The following SMCHD1 variants were observed in gnomAD, a reference collection of about 807,000 sequenced individuals.
SMCHD1 encodes the protein structural maintenance of chromosomes flexible hinge domain containing 1.
Under a neutral mutation model 254.7 loss-of-function variants are expected in SMCHD1, and 78 were observed. The ratio of observed to expected loss-of-function variants is 0.31; its 90% CI spans 0.26 to 0.37. SMCHD1 has a LOEUF of 0.37. Among genes scored for constraint, SMCHD1 ranks in the 10% least tolerant of loss-of-function variants. The pLI is 1.00. For missense variants in SMCHD1, 1,840 were observed against 2,408.1 expected, an observed-to-expected ratio of 0.76 and a Z score of 4.94; for synonymous variants, 766 against 794.9, an observed-to-expected ratio of 0.96 and a Z score of 0.61.
In SMCHD1 at chr18:2,803,215, T is replaced by TAA. The variant is rs1332165456; in HGVS notation, c.*664_*665insAA. On this transcript the variant is annotated 3_prime_UTR_variant, in exon 48 of 48. Transcript: ENST00000320876. Reference sequence around the variant, plus strand: ...GTGTGTGTGTATATATATATATATATATAAATATATATATATAAAATATTC... The same window carrying TAA: ...GTGTGTGTGTATATATATATATATATAAATAAATATATATATATAAAATATTC... The TAA allele has an allele frequency of 8.8e-5, 13 of 147,396 alleles. No homozygotes were observed. The East Asian group carries it at 2.3e-3, about 27-fold the overall frequency. The allele number at this position is 147,396 out of a possible 1,614,324, so 9.1% of individuals were successfully genotyped here. A position where few individuals can be genotyped will look rare whatever the true frequency, so the allele number is the denominator to read the frequency against.
chr18:2,765,453 T>C (rs1302544108), intron 37 of SMCHD1, among the ~76,000 whole-genome samples: 1 of 152,234 alleles, frequency 6.6e-6, no homozygotes, highest in Admixed American at 6.5e-5. Context: ...AAAATTAGGC[T>C]TATACGGTAG....
intron 17 of SMCHD1, among the ~76,000 whole-genome samples, chr18:2,712,315 C>A (rs543623907): frequency 1.3e-5 from 2 of 149,288 alleles, no homozygotes; most frequent in South Asian, 4.2e-4. Flanking sequence ...GAAGTGTTCT[C>A]TCCTCTTTAA....
At chr18:2,732,732 T>C (rs1001026307) in intron 25 of SMCHD1, among the ~76,000 whole-genome samples, 1 of 152,216 alleles carries the variant, frequency 6.6e-6, no homozygotes, top group African/African-American at 2.4e-5. Flanking sequence ...AATCTAGGTT[T>C]TGGCATTTTG....
rs756352980 is a variant in SMCHD1, at chr18:2,656,120, G to T, written c.45G>T (p.Gly15=). 3 of 1,478,322 alleles carry T rather than the reference G, an allele frequency of 2.0e-6. No individual in the cohort carries two copies. The highest frequency in any genetic ancestry group is 2.7e-5 in the Admixed American group (1 of 37,202). The allele number at this position is 1,478,322 out of a possible 1,614,324, so 91.6% of individuals were successfully genotyped here. ...GCGGGCCTGGTGGGGCCTCTGTGGG[G>T]ACTGAGGAGGATGGCGGAGGCGTCG... ...DGGGPGGASV[G]TEEDGGGVGH... is the part of the protein sequence containing the mutation. The change falls in exon 1 of 48, where the codon GGG becomes GGT. Residue 15 remains glycine, a synonymous_variant. Transcript: ENST00000320876.
intron 30 of SMCHD1, among the ~76,000 whole-genome samples, chr18:2,748,076 T>C (rs2075490776): frequency 6.6e-6 from 1 of 152,174 alleles, no homozygotes; most frequent in Non-Finnish European, 1.5e-5. Flanking sequence ...ACTTATCTTA[T>C]GGAGAGCTAC....
rs746090352 is a variant in SMCHD1 at position 2,707,829 on chromosome 18, G to A, written c.2169G>A (p.Leu723=). The change falls in exon 17 of 48, where the codon CTG becomes CTA. Residue 723 remains leucine (L), a synonymous_variant. Coordinates refer to ENST00000320876, the MANE Select transcript of SMCHD1 (RefSeq NM_015295.3). ...TAGGTGCGTTAAGAATTGAAATACT[G>A]AATAAAAAAGGGGAAGCAATGCAAA... The part of the protein sequence containing the change: ...TPIGALRIEI[L]NKKGEAMQKL... The A allele has an allele frequency of 8.1e-6, 13 of 1,606,726 alleles. No individual in the cohort carries two copies. The highest frequency in any genetic ancestry group is 1.3e-5 in the African/African-American group (1 of 74,654).
At chr18:2,680,072 A>G (rs909180379) in intron 5 of SMCHD1, among the ~76,000 whole-genome samples, 4 of 151,760 alleles carry the variant, frequency 2.6e-5, no homozygotes, top group Non-Finnish European at 5.9e-5. Context: ...CCCAACTGAT[A>G]CTCTCTGTTT....
At chr18:2,791,859 T>C (rs1008286109) in intron 45 of SMCHD1, among the ~76,000 whole-genome samples, 3 of 152,304 alleles carry the variant, frequency 2.0e-5, no homozygotes, top group African/African-American at 7.2e-5. Context: ...AGAAATGCAG[T>C]AGGTCTCCCT....
intron 45 of SMCHD1, among the ~76,000 whole-genome samples, chr18:2,787,151 G>A (rs1302140056): frequency 2.0e-5 from 3 of 152,164 alleles, no homozygotes; most frequent in Admixed American, 2.0e-4. Flanking sequence ...TGAAGAGCTG[G>A]CATGTGCAAA....
intron 17 of SMCHD1, among the ~76,000 whole-genome samples, chr18:2,708,554 A>G (rs567130169): frequency 6.6e-6 from 1 of 151,392 alleles, no homozygotes; most frequent in South Asian, 2.1e-4. Context: ...AATCACACAG[A>G]AGCACCACTC....
Position 2,705,692 on chromosome 18 carries a change from A to T in SMCHD1, c.1843-2A>T. ...TTTTTTTTTTTAAAAACTAAATATTAGGTCAAGACAATCAAGACACTTCCC... is the reference window on the plus strand; with the variant it reads ...TTTTTTTTTTTAAAAACTAAATATTTGGTCAAGACAATCAAGACACTTCCC... On this transcript the variant is annotated splice_acceptor_variant, in intron 13 of 47. Transcript: ENST00000320876. LOFTEE classifies it high-confidence loss of function. The T allele has an allele frequency of 1.4e-6, 2 of 1,404,258 alleles. No individual in the cohort carries two copies. The highest frequency in any genetic ancestry group is 2.0e-6 in the Non-Finnish European group (2 of 1,019,584). The allele number at this position is 1,404,258 out of a possible 1,614,324, so 87.0% of individuals were successfully genotyped here.
At chr18:2,679,117 A>G (rs2073858415) in intron 5 of SMCHD1, among the ~76,000 whole-genome samples, 1 of 143,876 alleles carries the variant, frequency 7.0e-6, no homozygotes, top group Non-Finnish European at 1.5e-5. Context: ...AAGTGCTGGG[A>G]TTACAAGTGT....
chr18:2,724,969 G>T lies in SMCHD1; in HGVS notation c.2674G>T (p.Gly892Cys). 6.3e-7 allele frequency: 1 copy of T among 1,586,352 alleles called. No individual in the cohort carries two copies. The change falls in exon 21 of 48, where the codon GGC (glycine) becomes TGC (cysteine). Residue 892 changes from glycine to cysteine, a missense_variant. Gly to Cys is a radical substitution (Grantham distance 159). Coordinates refer to ENST00000320876, the MANE Select transcript of SMCHD1 (RefSeq NM_015295.3). ...TGTAATTCGAGGTGTTACAGCCAAG[G>T]GCCCTGTAAACTCTTGTCAAGGCAA... The part of the protein sequence containing the change: ...NCVIRGVTAK[G>C]PVNSCQGKNY...
chr18:2,664,083 A>G (rs1372526987), intron 1 of SMCHD1, among the ~76,000 whole-genome samples: 1 of 152,164 alleles, frequency 6.6e-6, no homozygotes, highest in East Asian at 1.9e-4. Context: ...GAATCATGTT[A>G]TGAACCCCAG....
rs746483578 is a variant in SMCHD1, at chr18:2,724,939, A to C, written c.2644A>C (p.Asn882His). ...LHYEEITKGP[N>H]CVIRGVTAKG... ...TTATGAAGAAATAACCAAAGGACCA[A>C]ATTGTGTAATTCGAGGTGTTACAGC... The change falls in exon 21 of 48, where the codon AAT becomes CAT. Residue 882 changes from asparagine (N) to histidine (H), a missense_variant. Physicochemically the swap from Asn to His is moderately conservative, Grantham distance 68. Transcript: ENST00000320876. 13 of 1,594,894 alleles carry C rather than the reference A, an allele frequency of 8.2e-6. No individual in the cohort carries two copies. The highest frequency in any genetic ancestry group is 1.0e-5 in the Non-Finnish European group (12 of 1,168,324).
intron 1 of SMCHD1, among the ~76,000 whole-genome samples, chr18:2,658,297 T>C (rs985848157): frequency 6.6e-6 from 1 of 152,198 alleles, no homozygotes; most frequent in African/African-American, 2.4e-5. Flanking sequence ...CTTAGATAAA[T>C]AGAGGAAGTA....
intron 8 of SMCHD1, among the ~76,000 whole-genome samples, chr18:2,695,994 TTAAA>T (rs1361991509): frequency 6.6e-6 from 1 of 152,202 alleles, no homozygotes; most frequent in Non-Finnish European, 1.5e-5. Flanking sequence ...AACACATAAT[TTAAA>T]TATACTCTTG....
rs1317943377 is a variant in SMCHD1 at position 2,722,523 on chromosome 18, T to A, written c.2463T>A (p.Gly821=). The A allele has an allele frequency of 6.2e-7, 1 of 1,612,060 alleles. No homozygotes were observed. Among genetic ancestry groups the A allele is most frequent in the Admixed American group, 1.7e-5 (1 of 59,764 alleles). ...SKAIKFSVKE[G]KPEKFSFGLL... ...TCATTTTTGTTTTTGTTAAAGAGGG[T>A]AAGCCAGAGAAATTTTCATTTGGTC... Residue 821 remains glycine, a synonymous_variant, in exon 20 of 48, where the codon GGT becomes GGA. Coordinates refer to ENST00000320876, the MANE Select transcript of SMCHD1 (RefSeq NM_015295.3).
chr18:2,748,390 A>AAT (rs781543959), intron 30 of SMCHD1, among the ~76,000 whole-genome samples: 1,436 of 92,662 alleles, frequency 0.015, 178 homozygotes, highest in African/African-American at 0.03. Context: ...GTGTATATAA[A>AAT]TTTTTTTTTT....
Sources: gnomAD v4.1 joint callset for allele counts (sites outside exome capture counted in the v4.1 genomes callset) on GRCh38, gnomAD v4.1.1 for gene constraint, MANE v1.5 for transcripts, NCBI Gene and HGNC (gene_info 2026-07-23, HGNC 2026-07-21) for gene names.